Variants in NANS observed in about 807,000 individuals in gnomAD.
The protein encoded by NANS is N-acetylneuraminate synthase.
NANS carries 29 observed loss-of-function variants against 33.3 expected under a neutral mutation model. That is an observed-to-expected ratio of 0.87 (90% CI 0.65 to 1.19). NANS has a LOEUF of 1.19. Ranked by LOEUF, NANS falls within the 50% of genes most tolerant of loss-of-function variation. The pLI, the probability that NANS is intolerant of heterozygous loss-of-function variation, is 0.00. For missense variants in NANS, 394 were observed against 461.1 expected (o/e 0.85, Z 1.33); for synonymous variants, 163 against 177.2 (o/e 0.92, Z 0.64).
intron 2 of NANS, among the ~76,000 whole-genome samples, chr9:98,068,677 G>C (rs929678225): frequency 2.4e-4 from 36 of 151,050 alleles, no homozygotes; most frequent in African/African-American, 8.3e-4. Context: ...GCCAGGCATT[G>C]TGGTGTGTGC....
intron 5 of NANS, chr9:98,081,388 T>C: frequency 2.9e-6 from 1 of 343,210 alleles, no homozygotes; most frequent in South Asian, 4.1e-5. Context: ...CTCCAGAATA[T>C]GTAACAGGAG....
chr9:98,081,072 G>T lies in NANS; in HGVS notation c.860G>T (p.Cys287Phe), dbSNP rs772093469. 6.8e-6 allele frequency: 11 copies of T among 1,614,168 alleles called. No homozygotes were observed. The South Asian group carries it at 1.2e-4, about 18-fold the overall frequency. Residue 287 changes from cysteine (C) to phenylalanine (F), a missense_variant, in exon 5 of 6, where the codon TGC becomes TTC. Cys to Phe is a radical substitution (Grantham distance 205). Coordinates refer to ENST00000210444, the MANE Select transcript of NANS (RefSeq NM_018946.4). ...TKQLLPCEMA[C>F]NEKLGKSVVA... ...CAGCTGCTGCCCTGTGAGATGGCCT[G>T]CAATGAGAAGGTGTGTCCTGCCGGA...
chr9:98,057,902 G>GT (rs60923228), intron 1 of NANS, among the ~76,000 whole-genome samples: 145 of 93,194 alleles, frequency 1.6e-3, no homozygotes, highest in South Asian at 2.1e-3. Context: ...TTCTCTTACT[G>GT]TTTTTTTTTT....
At chr9:98,072,334 G>A (rs777651331) in intron 2 of NANS, among the ~76,000 whole-genome samples, 3 of 152,114 alleles carry the variant, frequency 2.0e-5, no homozygotes, top group Non-Finnish European at 4.4e-5. Flanking sequence ...GGGCAGGTAG[G>A]TTCCTCTGGA....
At chr9:98,078,968 G>A (rs1383677214) in intron 4 of NANS, among the ~76,000 whole-genome samples, 1 of 152,008 alleles carries the variant, frequency 6.6e-6, no homozygotes, top group African/African-American at 2.4e-5. Flanking sequence ...CTGAGTTATA[G>A]GAGGCCTTCT....
chr9:98,063,503 A>G (rs920844200), intron 2 of NANS, among the ~76,000 whole-genome samples: 18 of 151,992 alleles, frequency 1.2e-4, no homozygotes, highest in African/African-American at 4.4e-4. Flanking sequence ...CAGCCTCCCA[A>G]AGTGCTGGGA....
At chr9:98,064,997 C>A (rs2131626174) in intron 2 of NANS, among the ~76,000 whole-genome samples, 1 of 152,236 alleles carries the variant, frequency 6.6e-6, no homozygotes, top group African/African-American at 2.4e-5. Flanking sequence ...TAATTACTGC[C>A]CTGCAACCTG....
chr9:98,069,858 G>A (rs1293872917), intron 2 of NANS, among the ~76,000 whole-genome samples: 2 of 152,030 alleles, frequency 1.3e-5, no homozygotes, highest in African/African-American at 2.4e-5. Flanking sequence ...CTGTGCATGG[G>A]GTAAAATTGC....
intron 1 of NANS, among the ~76,000 whole-genome samples, chr9:98,059,876 G>A (rs1010923851): frequency 4.6e-5 from 7 of 152,226 alleles, no homozygotes; most frequent in Non-Finnish European, 8.8e-5. Context: ...GGAGAAAAGC[G>A]CCAGTGCAAA....
In NANS at chr9:98,056,832, T is replaced by C. The variant is rs775230449; in HGVS notation, c.24T>C (p.Cys8=). Residue 8 remains cysteine (C), a synonymous_variant, in exon 1 of 6, where the codon TGT becomes TGC. Coordinates refer to ENST00000210444, the MANE Select transcript of NANS (RefSeq NM_018946.4). ...CAATGCCGCTGGAGCTGGAGCTGTG[T>C]CCCGGGCGCTGGGTGGGCGGGCAAC... MPLELEL[C]PGRWVGGQHP... is the part of the protein sequence containing the mutation. 6.3e-7 allele frequency: 1 copy of C among 1,590,294 alleles called. No homozygotes were observed.
chr9:98,061,523 T>C (rs1163863581), intron 2 of NANS, among the ~76,000 whole-genome samples: 1 of 146,368 alleles, frequency 6.8e-6, no homozygotes, highest in African/African-American at 2.5e-5. Flanking sequence ...GTCTCACACC[T>C]GTAATCCCAG....
At chr9:98,071,659 T>C (rs999421080) in intron 2 of NANS, among the ~76,000 whole-genome samples, 1 of 152,206 alleles carries the variant, frequency 6.6e-6, no homozygotes, top group African/African-American at 2.4e-5. Flanking sequence ...ACTCTCAGTG[T>C]GACCTTGGTG....
At chr9:98,061,242 T>G in intron 2 of NANS, 1 of 471,418 alleles carries the variant, frequency 2.1e-6, no homozygotes. Flanking sequence ...TTTGGGAGAC[T>G]GAGGGGGATG....
intron 2 of NANS, among the ~76,000 whole-genome samples, chr9:98,065,308 CT>C (rs758040892): frequency 0.064 from 5,908 of 92,660 alleles, 75 homozygotes; most frequent in East Asian, 0.18. Flanking sequence ...ACTCCTGGTG[CT>C]TTTTTTTTTT....
intron 2 of NANS, among the ~76,000 whole-genome samples, chr9:98,072,085 G>C (rs1283809611): frequency 6.6e-6 from 1 of 152,166 alleles, no homozygotes; most frequent in Non-Finnish European, 1.5e-5. Flanking sequence ...TTAGAGTCAG[G>C]CTCTCTGAGC....
At chr9:98,059,958 G>C (rs575067605) in intron 1 of NANS, among the ~76,000 whole-genome samples, 1 of 152,302 alleles carries the variant, frequency 6.6e-6, no homozygotes, top group South Asian at 2.1e-4. Flanking sequence ...GGATGTTCCT[G>C]TCCCTGAGAG....
chr9:98,068,428 C>T (rs1829213458), intron 2 of NANS, among the ~76,000 whole-genome samples: 1 of 152,078 alleles, frequency 6.6e-6, no homozygotes, highest in Admixed American at 6.6e-5. Flanking sequence ...TGTCAGCCAC[C>T]TCACCAGCCA....
chr9:98,073,575 G>C (rs1013244552), intron 2 of NANS, among the ~76,000 whole-genome samples: 1 of 150,680 alleles, frequency 6.6e-6, no homozygotes, highest in South Asian at 2.1e-4. Context: ...GAGCCACCGC[G>C]CCTGGCCTGG....
At chr9:98,071,045 TCAAA>T (rs1829319035) in intron 2 of NANS, among the ~76,000 whole-genome samples, 1 of 151,850 alleles carries the variant, frequency 6.6e-6, no homozygotes, top group African/African-American at 2.4e-5. Flanking sequence ...ACTCTGGGCC[TCAAA>T]CAGTCTCCCA....
Sources: gnomAD v4.1 joint callset for allele counts (sites outside exome capture counted in the v4.1 genomes callset) on GRCh38, gnomAD v4.1.1 for gene constraint, MANE v1.5 for transcripts, NCBI Gene and HGNC (gene_info 2026-07-23, HGNC 2026-07-21) for gene names.